Variants in CEP112 observed in about 807,000 individuals in gnomAD.
CEP112 encodes the protein centrosomal protein 112, also known as centrosomal protein of 112 kDa.
Under a neutral mutation model 153.0 loss-of-function variants are expected in CEP112, and 127 were observed. The observed-to-expected ratio is 0.83, with a 90% CI of 0.72 to 0.96. The LOEUF is 0.96. Ranked by LOEUF, CEP112 falls within the 40% of genes least tolerant of loss-of-function variation. The pLI, the probability that CEP112 is intolerant of heterozygous loss-of-function variation, is 0.00. For missense variants in CEP112, 1,089 were observed against 1,101.2 expected (o/e 0.99, Z 0.16); for synonymous variants, 358 against 374.4 (o/e 0.96, Z 0.51).
chr17:66,177,592 ACT>A (rs751613454), intron 2 of CEP112, among the ~76,000 whole-genome samples: 4 of 152,012 alleles, frequency 2.6e-5, no homozygotes, highest in Admixed American at 2.0e-4. Context: ...ATCCAATTAT[ACT>A]CTTAGTTATT....
rs572702914 is a variant in CEP112, at chr17:65,841,311, C to T, written c.2394+10493G>A. Among the ~76,000 whole-genome samples the T allele has an allele frequency of 3.3e-5, 5 of 152,020 alleles. No individual in the cohort carries two copies. The East Asian group carries it at 5.8e-4, about 18-fold the overall frequency. ...GCGATATATACACAACAGAGTATGA[C>T]TCAGCTATAAAAAGAATGAAATTCT... On this transcript the variant is annotated intron_variant, in intron 21 of 26. Coordinates refer to ENST00000535342, the MANE Select transcript of CEP112 (RefSeq NM_001199165.4).
intron 6 of CEP112, among the ~76,000 whole-genome samples, chr17:66,108,690 T>C (rs775709205): frequency 2.0e-5 from 3 of 152,190 alleles, no homozygotes; most frequent in Non-Finnish European, 2.9e-5. Flanking sequence ...ACAGCCACTA[T>C]GGAAAACAGG....
chr17:65,890,611 TA>T (rs2059429119), intron 20 of CEP112, among the ~76,000 whole-genome samples: 1 of 152,162 alleles, frequency 6.6e-6, no homozygotes, highest in Non-Finnish European at 1.5e-5. Context: ...TATAACCTTC[TA>T]TTTCCATACT....
rs1468182768 is a variant in CEP112 at position 66,162,222 on chromosome 17, C to T, written c.470+12822G>A. ...AGAGGATATCCAAATCATCGATAAA[C>T]ATTAAAAAAGATCTTGATATCATTA... On this transcript the variant is annotated intron_variant, in intron 4 of 26. Coordinates refer to ENST00000535342, the MANE Select transcript of CEP112 (RefSeq NM_001199165.4). Among the ~76,000 whole-genome samples the T allele has an allele frequency of 2.0e-5, 3 of 152,180 alleles. No homozygotes were observed. The East Asian group carries it at 5.8e-4, about 29-fold the overall frequency.
At chr17:65,770,928 TAA>T (rs34049976) in intron 21 of CEP112, among the ~76,000 whole-genome samples, 50 of 124,286 alleles carry the variant, frequency 4.0e-4, no homozygotes, top group Non-Finnish European at 5.9e-4. Context: ...GACTCCGTCT[TAA>T]AAAAAAAAAA....
intron 21 of CEP112, among the ~76,000 whole-genome samples, chr17:65,788,743 C>T (rs975017989): frequency 7.2e-5 from 11 of 151,890 alleles, no homozygotes; most frequent in Non-Finnish European, 1.3e-4. Flanking sequence ...CCTCCTTTCC[C>T]TATTTGTGTC....
At chr17:65,908,606 A>G (rs2060169891) in intron 19 of CEP112, among the ~76,000 whole-genome samples, 1 of 151,952 alleles carries the variant, frequency 6.6e-6, no homozygotes. Flanking sequence ...AAGCAGAAGA[A>G]TCGCTTGAAC....
chr17:65,746,184 A>G (rs866873697), intron 22 of CEP112, among the ~76,000 whole-genome samples: 28 of 150,592 alleles, frequency 1.9e-4, no homozygotes, highest in Admixed American at 9.9e-4. Flanking sequence ...AAAAAAAAAA[A>G]AAAAGAAAAG....
intron 20 of CEP112, among the ~76,000 whole-genome samples, chr17:65,868,111 CAA>C (rs2058543710): frequency 6.6e-6 from 1 of 151,942 alleles, no homozygotes; most frequent in Non-Finnish European, 1.5e-5. Flanking sequence ...TTCGTTATGT[CAA>C]AGTTATGAAT....
At chr17:65,898,821 G>C (rs1035057906) in intron 20 of CEP112, among the ~76,000 whole-genome samples, 3 of 152,076 alleles carry the variant, frequency 2.0e-5, no homozygotes, top group Non-Finnish European at 2.9e-5. Context: ...TCCTAAGATG[G>C]TGACGCCACC....
intron 21 of CEP112, among the ~76,000 whole-genome samples, chr17:65,810,440 C>G (rs935890202): frequency 1.3e-5 from 2 of 152,110 alleles, no homozygotes; most frequent in African/African-American, 4.8e-5. Context: ...CCTGTCTCCT[C>G]TAGCCATCGG....
chr17:65,748,111 A>G (rs1027129249), intron 22 of CEP112, among the ~76,000 whole-genome samples: 2 of 152,228 alleles, frequency 1.3e-5, no homozygotes, highest in Admixed American at 1.3e-4. Context: ...AAATAATCTG[A>G]CATGCTTCTC....
chr17:65,674,281 T>C (rs1251140550), intron 24 of CEP112, among the ~76,000 whole-genome samples: 1 of 152,214 alleles, frequency 6.6e-6, no homozygotes, highest in Non-Finnish European at 1.5e-5. Flanking sequence ...CTCTTAGTAA[T>C]GAATGATTAG....
At chr17:66,011,781 C>T (rs1329181564) in intron 16 of CEP112, among the ~76,000 whole-genome samples, 4 of 152,044 alleles carry the variant, frequency 2.6e-5, no homozygotes, top group African/African-American at 9.7e-5. Context: ...AGTTTTCTCC[C>T]TTGATGATCT....
chr17:65,649,772 T>C (rs1288486114), intron 24 of CEP112, among the ~76,000 whole-genome samples: 1 of 149,532 alleles, frequency 6.7e-6, no homozygotes, highest in African/African-American at 2.5e-5. Flanking sequence ...CCAACAAGCA[T>C]TTCTGGGGGC....
At chr17:66,130,089 T>G (rs1036763105) in intron 5 of CEP112, among the ~76,000 whole-genome samples, 6 of 152,118 alleles carry the variant, frequency 3.9e-5, no homozygotes, top group African/African-American at 1.4e-4. Context: ...GAGAGTTTTG[T>G]GTGCTTGTCT....
chr17:65,773,415 A>ATT (rs112530124), intron 21 of CEP112, among the ~76,000 whole-genome samples: 12 of 152,016 alleles, frequency 7.9e-5, no homozygotes, highest in Middle Eastern at 3.4e-3. Context: ...ATAAGAGGCC[A>ATT]TTTTTTTATA....
intron 21 of CEP112, among the ~76,000 whole-genome samples, chr17:65,764,085 G>A (rs1458642874): frequency 6.6e-6 from 1 of 152,020 alleles, no homozygotes; most frequent in Non-Finnish European, 1.5e-5. Flanking sequence ...GATGGTTCAA[G>A]AATGGAGGGA....
At chr17:66,118,515 T>G (rs1355400247) in intron 6 of CEP112, among the ~76,000 whole-genome samples, 1 of 151,756 alleles carries the variant, frequency 6.6e-6, no homozygotes, top group Non-Finnish European at 1.5e-5. Context: ...AAAAAGAAAA[T>G]GAACTCATGG....
Sources: gnomAD v4.1 joint callset for allele counts (sites outside exome capture counted in the v4.1 genomes callset) on GRCh38, gnomAD v4.1.1 for gene constraint, MANE v1.5 for transcripts, NCBI Gene and HGNC (gene_info 2026-07-23, HGNC 2026-07-21) for gene names.